NAALADL2: variants seen among roughly 807,000 people sequenced by gnomAD.
NAALADL2 encodes the protein inactive N-acetylated-alpha-linked acidic dipeptidase-like protein 2.
In NAALADL2, 76 loss-of-function variants were observed where a neutral mutation model predicts 87.2. The observed-to-expected ratio is 0.87, with a 90% CI of 0.72 to 1.05. The LOEUF is 1.05. Among genes scored for constraint, NAALADL2 ranks in the 50% least tolerant of loss-of-function variants. NAALADL2 has a pLI of 0.00. For synonymous variants in NAALADL2, 354 were observed against 331.0 expected, an observed-to-expected ratio of 1.07 and a Z score of -0.75; for missense variants, 1,089 against 945.8, an observed-to-expected ratio of 1.15 and a Z score of -1.99.
intron 3 of NAALADL2, among the ~76,000 whole-genome samples, chr3:174,839,194 C>T (rs564877327): frequency 9.2e-5 from 14 of 152,242 alleles, no homozygotes; most frequent in African/African-American, 3.1e-4. Flanking sequence ...AACCCAAATA[C>T]TTACAGCCAA....
At chr3:174,834,891 G>A (rs953598522) in intron 3 of NAALADL2, among the ~76,000 whole-genome samples, 1 of 151,638 alleles carries the variant, frequency 6.6e-6, no homozygotes, top group East Asian at 1.9e-4. Context: ...TTTAATCACT[G>A]TAAAATCTAT....
intron 2 of NAALADL2, among the ~76,000 whole-genome samples, chr3:174,588,798 C>T (rs1304007628): frequency 6.6e-6 from 1 of 152,136 alleles, no homozygotes; most frequent in Non-Finnish European, 1.5e-5. Context: ...CTGGGGGGTG[C>T]CTCCCAGTTA....
chr3:175,092,733 G>C (rs986112970), intron 1 of NAALADL2, among the ~76,000 whole-genome samples: 2 of 151,764 alleles, frequency 1.3e-5, no homozygotes, highest in Non-Finnish European at 3.0e-5. Context: ...AGTTCAACTT[G>C]TATCTGTTTT....
chr3:175,227,379 A>G (rs1744307348), intron 2 of NAALADL2, among the ~76,000 whole-genome samples: 1 of 152,006 alleles, frequency 6.6e-6, no homozygotes, highest in South Asian at 2.1e-4. Context: ...TCCAAATTCA[A>G]GTCTTAGGCA....
rs144308975 is a variant in NAALADL2 at position 174,743,544 on chromosome 3, A to G, written c.-9+5798A>G. On this transcript the variant is annotated intron_variant, in intron 3 of 3. Transcript: ENST00000434257. ...GTATTTTTGCCACAATTTAACCTCA[A>G]ACAACTCAGATGTCATTAGTTCTTT... Among the ~76,000 whole-genome samples the G allele has an allele frequency of 3.8e-3, 580 of 151,914 alleles. 3 individuals are homozygous for G. The highest frequency in any genetic ancestry group is 0.013 in the African/African-American group (540 of 41,530).
chr3:175,527,515 A>G (rs1246931673), intron 9 of NAALADL2, among the ~76,000 whole-genome samples: 10 of 152,122 alleles, frequency 6.6e-5, no homozygotes, highest in Admixed American at 6.6e-5. Context: ...GATTCCACCA[A>G]TAAAATAGAT....
intron 1 of NAALADL2, among the ~76,000 whole-genome samples, chr3:174,466,579 C>T (rs1716547992): frequency 6.6e-6 from 1 of 152,156 alleles, no homozygotes; most frequent in Non-Finnish European, 1.5e-5. Flanking sequence ...AGTACTGTCT[C>T]ATTTGTACTA....
intron 1 of NAALADL2, among the ~76,000 whole-genome samples, chr3:175,027,458 CG>C: frequency 6.6e-6 from 1 of 151,918 alleles, no homozygotes; most frequent in Non-Finnish European, 1.5e-5. Flanking sequence ...TAGTACATAA[CG>C]GTATGATTTT....
At chr3:175,749,688 A>G (rs1018872449) in intron 12 of NAALADL2, among the ~76,000 whole-genome samples, 1 of 152,220 alleles carries the variant, frequency 6.6e-6, no homozygotes, top group Non-Finnish European at 1.5e-5. Context: ...TTAATTTTCA[A>G]CATGAGTTTT....
In NAALADL2 at chr3:174,609,658, T is replaced by TA. The variant is rs573562949; in HGVS notation, c.-115+59025dup. ...AAGTACAAACCACTCCTCAATGAAA[T>TA]AAAAGAGTATACAAAGAAATGGAGG... is the stretch of plus-strand genomic sequence containing the variant. On this transcript the variant is annotated intron_variant, in intron 2 of 3. Coordinates refer to the NAALADL2 transcript ENST00000434257. Among the ~76,000 whole-genome samples the TA allele has an allele frequency of 3.4e-4, 51 of 152,086 alleles. 1 individual carries two copies. The East Asian group carries it at 8.1e-3, about 24-fold the overall frequency.
intron 1 of NAALADL2, among the ~76,000 whole-genome samples, chr3:174,549,831 A>G (rs1246784308): frequency 6.6e-6 from 1 of 151,860 alleles, no homozygotes; most frequent in Non-Finnish European, 1.5e-5. Flanking sequence ...TTACTGCAAA[A>G]CCCAGCCTCT....
chr3:175,265,130 A>C (rs572805657), intron 4 of NAALADL2, among the ~76,000 whole-genome samples: 1 of 151,754 alleles, frequency 6.6e-6, no homozygotes, highest in African/African-American at 2.4e-5. Flanking sequence ...AGTGGTTACT[A>C]TTCTATGGAC....
chr3:175,272,133 A>C (rs1011784201), intron 4 of NAALADL2, among the ~76,000 whole-genome samples: 1 of 152,208 alleles, frequency 6.6e-6, no homozygotes, highest in Non-Finnish European at 1.5e-5. Flanking sequence ...TTGTGACCTA[A>C]GAGACTAAGG....
intron 5 of NAALADL2, among the ~76,000 whole-genome samples, chr3:175,384,447 T>G (rs2148995946): frequency 6.6e-6 from 1 of 152,174 alleles, no homozygotes; most frequent in Admixed American, 6.6e-5. Flanking sequence ...CAGAATTGTC[T>G]TGACAAATAA....
chr3:175,198,993 C>A (rs546514748), intron 2 of NAALADL2, among the ~76,000 whole-genome samples: 1 of 152,202 alleles, frequency 6.6e-6, no homozygotes, highest in African/African-American at 2.4e-5. Context: ...ATGTTTGCAT[C>A]TGGACATTGT....
At chr3:175,235,330 T>C (rs1209580751) in intron 3 of NAALADL2, 1 of 152,218 alleles carries the variant, frequency 6.6e-6, no homozygotes, top group African/African-American at 2.4e-5. Context: ...CTATTCTGTA[T>C]ATATCACACT....
chr3:174,666,602 A>C (rs1725979286), intron 2 of NAALADL2, among the ~76,000 whole-genome samples: 1 of 152,206 alleles, frequency 6.6e-6, no homozygotes, highest in African/African-American at 2.4e-5. Context: ...CAGCCATTGA[A>C]AGAACAAGTA....
In NAALADL2 at chr3:175,425,837, G is replaced by A. The variant is rs533296468; in HGVS notation, c.1091-21392G>A. On this transcript the variant is annotated intron_variant, in intron 5 of 13. Transcript: ENST00000454872. ...GATACTCAAAGTACTATATTTGTTA[G>A]AATATAAATATATTTAAGTAATCCT... is the stretch of plus-strand genomic sequence containing the variant. Among the ~76,000 whole-genome samples, 36 of 152,158 alleles carry A rather than the reference G, an allele frequency of 2.4e-4. 2 individuals are homozygous for A. The South Asian group carries it at 7.5e-3, about 32-fold the overall frequency.
At chr3:174,999,855 G>A (rs1747997711) in intron 1 of NAALADL2, among the ~76,000 whole-genome samples, 1 of 152,022 alleles carries the variant, frequency 6.6e-6, no homozygotes, top group African/African-American at 2.4e-5. Flanking sequence ...ATTTTGCTTT[G>A]TGGGCTTTAT....
Sources: gnomAD v4.1 joint callset for allele counts (sites outside exome capture counted in the v4.1 genomes callset) on GRCh38, gnomAD v4.1.1 for gene constraint, MANE v1.5 for transcripts, NCBI Gene and HGNC (gene_info 2026-07-23, HGNC 2026-07-21) for gene names.